Variants in PUM1 observed in about 807,000 individuals in gnomAD.
PUM1 encodes pumilio homolog 1.
A neutral mutation model predicts 131.8 loss-of-function variants in PUM1; 13 were observed. The observed-to-expected ratio is 0.10, with a 90% CI of 0.06 to 0.16. The LOEUF is 0.16. Among genes scored for constraint, PUM1 ranks in the 10% least tolerant of loss-of-function variants. PUM1 has a pLI of 1.00. For missense variants in PUM1, 961 were observed against 1,512.4 expected, an observed-to-expected ratio of 0.64 and a Z score of 6.05; for synonymous variants, 509 against 556.5, an observed-to-expected ratio of 0.91 and a Z score of 1.20.
chr1:30,960,901 G>A (rs897321697), intron 14 of PUM1, among the ~76,000 whole-genome samples: 2 of 151,366 alleles, frequency 1.3e-5, no homozygotes, highest in African/African-American at 4.9e-5. Context: ...AGATTTCTTC[G>A]ATACTATTCC....
At chr1:30,958,826 G>A (rs549796750) in intron 14 of PUM1, among the ~76,000 whole-genome samples, 13 of 152,252 alleles carry the variant, frequency 8.5e-5, no homozygotes, top group African/African-American at 3.1e-4. Flanking sequence ...TAATAATACT[G>A]TTAAATTGAG....
chr1:30,948,762 AAG>A (rs1165496601), intron 17 of PUM1, among the ~76,000 whole-genome samples: 1 of 152,114 alleles, frequency 6.6e-6, no homozygotes. Context: ...AAAAGAAAGA[AAG>A]AAAAACAAGA....
rs1055987659 is a variant in PUM1, at chr1:30,931,789, C to G, written c.*1422G>C. 1 of 152,618 alleles carries G rather than the reference C, an allele frequency of 6.6e-6. No individual in the cohort carries two copies. The highest frequency in any genetic ancestry group is 2.4e-5 in the African/African-American group (1 of 41,456). 9.5% of individuals were successfully genotyped at this position (152,618 alleles called of 1,614,324 possible). On this transcript the variant is annotated 3_prime_UTR_variant, in exon 22 of 22. Transcript: ENST00000426105. ...CAAAATGCAAAATACAGTTCATCTT[C>G]TGTACAAAAGGGAAGGGCGATTCAC...
At chr1:30,989,674 A>G (rs144766611) in intron 7 of PUM1, among the ~76,000 whole-genome samples, 1 of 151,896 alleles carries the variant, frequency 6.6e-6, no homozygotes, top group Non-Finnish European at 1.5e-5. Context: ...GGGTTCCAAG[A>G]ATATGGGCAT....
At chr1:30,970,789 C>T (rs769288070) in intron 10 of PUM1, among the ~76,000 whole-genome samples, 3 of 152,096 alleles carry the variant, frequency 2.0e-5, no homozygotes, top group Admixed American at 6.5e-5. Flanking sequence ...ATGGCAAATG[C>T]TAATAGTTCA....
chr1:31,049,112 G>A (rs1054399724), intron 2 of PUM1, among the ~76,000 whole-genome samples: 1 of 152,090 alleles, frequency 6.6e-6, no homozygotes, highest in African/African-American at 2.4e-5. Context: ...GGCTGAGGCA[G>A]GAGAATCACC....
rs771509421 is a variant in PUM1, at chr1:31,028,820, A to T, written c.408T>A (p.Ala136=). The change falls in exon 3 of 22, where the codon GCT becomes GCA. Residue 136 remains alanine, a synonymous_variant. Transcript: ENST00000426105. ...DELNHDFQAL[A]LEGRAMGEQL... is the part of the protein sequence containing the mutation. ...CCTCTCCCATCGCTCTTCCCTCCAG[A>T]GCAAGTGCTTGAAAATCATGATTCA... 2 of 1,613,922 alleles carry T rather than the reference A, an allele frequency of 1.2e-6. No homozygotes were observed. The highest frequency in any genetic ancestry group is 1.3e-5 in the African/African-American group (1 of 74,930).
Position 30,933,439 on chromosome 1 carries a change from T to TACACACACACACACAC in PUM1, c.3436-113_3436-98dup, listed in dbSNP as rs58664754. ...TTGCATGTCATGCATCACACACACA[T>TACACACACACACACAC]ACACACACACACACACACACACACA... is the stretch of plus-strand genomic sequence containing the variant. On this transcript the variant is annotated intron_variant, in intron 21 of 21. Coordinates refer to ENST00000426105, the MANE Select transcript of PUM1 (RefSeq NM_001020658.2). 977 of 363,904 alleles carry TACACACACACACACAC rather than the reference T, an allele frequency of 2.7e-3. 16 individuals are homozygous for TACACACACACACACAC. Among genetic ancestry groups the TACACACACACACACAC allele is most frequent in the East Asian group, 5.7e-3 (64 of 11,222 alleles). The allele number at this position is 363,904 out of a possible 1,614,324, so 22.5% of individuals were successfully genotyped here. A position where few individuals can be genotyped will look rare whatever the true frequency, so the allele number is the denominator to read the frequency against.
chr1:30,969,857 C>A (rs1359965685), intron 10 of PUM1, among the ~76,000 whole-genome samples: 1 of 152,112 alleles, frequency 6.6e-6, no homozygotes, highest in East Asian at 1.9e-4. Flanking sequence ...GAGACAGGGT[C>A]TCACCATGTT....
At chr1:31,005,558 T>C (rs1281145268) in intron 5 of PUM1, among the ~76,000 whole-genome samples, 1 of 152,144 alleles carries the variant, frequency 6.6e-6, no homozygotes, top group Non-Finnish European at 1.5e-5. Context: ...GTAAAAATGG[T>C]GTTTTCTGAT....
intron 2 of PUM1, among the ~76,000 whole-genome samples, chr1:31,057,136 G>A (rs1055513536): frequency 6.6e-6 from 1 of 152,152 alleles, no homozygotes; most frequent in Admixed American, 6.5e-5. Flanking sequence ...AGATGCAGTA[G>A]CTCACACTTG....
intron 7 of PUM1, among the ~76,000 whole-genome samples, chr1:30,988,489 A>T (rs181408357): frequency 6.1e-4 from 93 of 152,312 alleles, no homozygotes; most frequent in African/African-American, 1.9e-3. Context: ...ATCACAAATA[A>T]AGCAAACCTA....
chr1:31,040,462 G>T (rs894822005), intron 2 of PUM1, among the ~76,000 whole-genome samples: 4 of 152,102 alleles, frequency 2.6e-5, no homozygotes, highest in Non-Finnish European at 4.4e-5. Context: ...GAAGGTAGGG[G>T]ATTCCAAAGA....
chr1:30,995,177 T>C lies in PUM1; in HGVS notation c.764A>G (p.Lys255Arg). Residue 255 changes from lysine to arginine, a missense_variant, in exon 6 of 22, where the codon AAG becomes AGG. Physicochemically the swap from Lys to Arg is conservative, Grantham distance 26. This residue lies in a region of PUM1 where 654 missense variants were observed against 923.9 expected (regional missense o/e 0.71). Transcript: ENST00000426105. ...ADSDENDKGEKKNKGTFDGDK... is the reference protein window; with the variant it reads ...ADSDENDKGERKNKGTFDGDK... ...TCCATCAAACGTACCCTTGTTCTTC[T>C]TTTCACCTTTGTCGTTTTCATCACT... 2 of 1,614,196 alleles carry C rather than the reference T, an allele frequency of 1.2e-6. No homozygotes were observed. The highest frequency in any genetic ancestry group is 1.7e-6 in the Non-Finnish European group (2 of 1,180,036).
intron 5 of PUM1, 56 bp downstream of exon 5, chr1:31,005,792 AGAGAG>A (rs1642380997): frequency 5.8e-5 from 2 of 34,640 alleles, no homozygotes; most frequent in Non-Finnish European, 7.2e-5. Flanking sequence ...GGGGAAAAAA[AGAGAG>A]AGAGAGAGAG....
chr1:30,957,229 G>C (rs946710577), intron 14 of PUM1, among the ~76,000 whole-genome samples: 1 of 152,042 alleles, frequency 6.6e-6, no homozygotes, highest in Admixed American at 6.6e-5. Flanking sequence ...TATTTTGTTT[G>C]AGCCAAGCAG....
At chr1:30,997,547 AG>A (rs1411563209) in intron 5 of PUM1, among the ~76,000 whole-genome samples, 1 of 134,662 alleles carries the variant, frequency 7.4e-6, no homozygotes, top group Non-Finnish European at 1.7e-5. Flanking sequence ...AAGCAGCAGT[AG>A]GAAGTTTCAA....
intron 2 of PUM1, among the ~76,000 whole-genome samples, chr1:31,039,413 CAG>C (rs1643748228): frequency 6.6e-6 from 1 of 151,822 alleles, no homozygotes; most frequent in African/African-American, 2.4e-5. Context: ...TTAGTATAGA[CAG>C]AGTTTCACTG....
chr1:31,016,033 C>T lies in PUM1; in HGVS notation c.433-8931G>A, dbSNP rs555497447. 2.7e-4 allele frequency among the ~76,000 whole-genome samples: 41 copies of T among 152,258 alleles called. 1 individual carries two copies. The South Asian group carries it at 8.5e-3, about 32-fold the overall frequency. ...GCAATTTTAAGAAGAGAGCTCATGTCCTAAATTTCAAATATTTTTAAGCAA... is the reference window on the plus strand; with the variant it reads ...GCAATTTTAAGAAGAGAGCTCATGTTCTAAATTTCAAATATTTTTAAGCAA... On this transcript the variant is annotated intron_variant, in intron 3 of 21. Transcript: ENST00000426105.
Sources: allele counts gnomAD v4.1 joint callset (sites outside exome capture counted in the v4.1 genomes callset), GRCh38; gene constraint gnomAD v4.1.1; regional missense constraint gnomAD v4.1.1; transcripts MANE v1.5; gene names NCBI Gene and HGNC (gene_info 2026-07-23, HGNC 2026-07-21).